Variants in HLTF observed in about 807,000 individuals in gnomAD.
HLTF encodes the protein helicase like transcription factor.
HLTF carries 127 observed loss-of-function variants against 129.4 expected under a neutral mutation model. The ratio of observed to expected loss-of-function variants is 0.98; its 90% CI spans 0.85 to 1.14. The LOEUF (loss-of-function observed/expected upper bound fraction) is 1.14, where lower values mean the gene tolerates loss of function less well. Among genes scored for constraint, HLTF ranks in the 50% most tolerant of loss-of-function variants. The probability of loss-of-function intolerance (pLI) is 0.00; values close to 1 mark genes in which losing one functional copy is unlikely to be tolerated. For missense variants in HLTF, 1,139 were observed against 1,187.1 expected, an observed-to-expected ratio of 0.96 and a Z score of 0.60; for synonymous variants, 332 against 388.8, an observed-to-expected ratio of 0.85 and a Z score of 1.72.
chr3:149,062,604 C>T (rs1435600225), intron 10 of HLTF, among the ~76,000 whole-genome samples: 1 of 152,206 alleles, frequency 6.6e-6, no homozygotes, highest in African/African-American at 2.4e-5. Flanking sequence ...AGATTCAAGA[C>T]AAGATCAGAG....
intron 12 of HLTF, 104 bp from the exon 13 acceptor site, chr3:149,059,911 A>G: frequency 1.4e-6 from 1 of 707,018 alleles, no homozygotes; most frequent in Non-Finnish European, 2.4e-6. Flanking sequence ...TTCACCCTCT[A>G]TTGTAAGAGC....
chr3:149,064,695 A>G lies in HLTF; in HGVS notation c.1066+96T>C. 3 of 799,016 alleles carry G rather than the reference A, an allele frequency of 3.8e-6. No homozygotes were observed. In the Admixed American group the frequency reaches 6.1e-5, roughly 16 times the overall value. The allele number at this position is 799,016 out of a possible 1,614,324, so 49.5% of individuals were successfully genotyped here. A position where few individuals can be genotyped will look rare whatever the true frequency, so the allele number is the denominator to read the frequency against. ...AGTACAAAGCCAAAACTAGAATTAC[A>G]ATATTAGGCTGAAAAAACGCAAATC... On this transcript the variant is annotated intron_variant, in intron 9 of 24. Coordinates refer to ENST00000310053, the MANE Select transcript of HLTF (RefSeq NM_003071.4).
chr3:149,048,363 AT>A (rs1381176822), intron 16 of HLTF, among the ~76,000 whole-genome samples, 200 bp from the exon 17 acceptor site: 1 of 152,178 alleles, frequency 6.6e-6, no homozygotes, highest in Non-Finnish European at 1.5e-5. Context: ...TTTTGCTCTA[AT>A]TTTTAGCTCT....
At chr3:149,073,368 G>A in intron 4 of HLTF, 46 bp from the exon 5 acceptor site, 2 of 1,355,732 alleles carry the variant, frequency 1.5e-6, no homozygotes, top group Non-Finnish European at 1.0e-6. Context: ...AATAAAGTAG[G>A]TTTTTATCTT....
At chr3:149,057,837 A>G (rs1473944698) in intron 13 of HLTF, among the ~76,000 whole-genome samples, 1 of 152,210 alleles carries the variant, frequency 6.6e-6, no homozygotes, top group Non-Finnish European at 1.5e-5. Flanking sequence ...CCCCTACTGG[A>G]CAACATGTAC....
In HLTF at chr3:149,086,490, C is replaced by G; in HGVS notation, c.-154G>C. On this transcript the variant is annotated 5_prime_UTR_variant, in exon 1 of 25. Coordinates refer to ENST00000310053, the MANE Select transcript of HLTF (RefSeq NM_003071.4). The stretch of plus-strand genomic sequence containing the variant: ...CGCACGACTGAAAGGTAAGTCGCCG[C>G]GAGTCCAGTCAGACGTCGACGCCGT... 3.9e-6 allele frequency: 3 copies of G among 767,408 alleles called. No individual in the cohort carries two copies. The South Asian group carries it at 5.2e-5, about 13-fold the overall frequency. 47.5% of individuals were successfully genotyped at this position (767,408 alleles called of 1,614,324 possible).
intron 10 of HLTF, among the ~76,000 whole-genome samples, chr3:149,061,909 A>C (rs1391962286): frequency 6.6e-6 from 1 of 152,158 alleles, no homozygotes; most frequent in East Asian, 1.9e-4. Flanking sequence ...AACACAATGA[A>C]ATAAGCAGCC....
chr3:149,061,323 A>G (rs1717927644), intron 10 of HLTF, among the ~76,000 whole-genome samples: 2 of 152,014 alleles, frequency 1.3e-5, no homozygotes, highest in South Asian at 4.1e-4. Context: ...AGGCAGGAGA[A>G]TGACGTGAAG....
Position 149,076,046 on chromosome 3 carries a change from A to G in HLTF, c.230T>C (p.Val77Ala). ...VVGLRYYTGV[V>A]NNNEMVALQR... ...TAATGCAACCATTTCATTATTATTA[A>G]CCTAATAAAAATGATAAACAGATAA... The change falls in exon 3 of 25, where the codon GTT becomes GCT. Residue 77 changes from valine to alanine, a missense_variant and splice_region_variant. Coordinates refer to ENST00000310053, the MANE Select transcript of HLTF (RefSeq NM_003071.4). The G allele has an allele frequency of 2.5e-6, 3 of 1,198,144 alleles. No homozygotes were observed. The highest frequency in any genetic ancestry group is 2.4e-6 in the Non-Finnish European group (2 of 832,508). 74.2% of individuals were successfully genotyped at this position (1,198,144 alleles called of 1,614,324 possible).
intron 24 of HLTF, among the ~76,000 whole-genome samples, chr3:149,032,994 G>A (rs1237975677): frequency 3.4e-5 from 5 of 145,230 alleles, no homozygotes; most frequent in African/African-American, 1.3e-4. Flanking sequence ...ACTATTCCCA[G>A]AAATTCAAGA....
chr3:149,073,298 C>A lies in HLTF; in HGVS notation c.554G>T (p.Gly185Val), dbSNP rs754636847. Residue 185 changes from glycine (G) to valine (V), a missense_variant, in exon 5 of 25, where the codon GGT becomes GTT. By Grantham distance (109) the Gly-to-Val change is moderately radical. Coordinates refer to ENST00000310053, the MANE Select transcript of HLTF (RefSeq NM_003071.4). ...TGGTCCAGCTCTTCCAGAGCCCCAA[C>A]CACTTTCCAAATTGAATCCTAAAGC... Reference protein sequence around the residue: ...PKTLGFNLESGWGSGRAGPSY... With the variant: ...PKTLGFNLESVWGSGRAGPSY... 9 of 1,611,932 alleles carry A rather than the reference C, an allele frequency of 5.6e-6. No homozygotes were observed. The Admixed American group carries it at 6.7e-5, about 12-fold the overall frequency.
chr3:149,051,055 A>G (rs374883330), intron 14 of HLTF, among the ~76,000 whole-genome samples: 18 of 152,290 alleles, frequency 1.2e-4, no homozygotes, highest in African/African-American at 4.1e-4. Context: ...GAAGTCCTAA[A>G]CCAGCAAGGT....
intron 2 of HLTF, among the ~76,000 whole-genome samples, chr3:149,078,747 C>T (rs1719613920): frequency 6.6e-6 from 1 of 151,244 alleles, no homozygotes; most frequent in Admixed American, 6.6e-5. Flanking sequence ...GTCCCAGTTA[C>T]TCGGGAAGCT....
Position 149,057,700 on chromosome 3 carries a change from G to A in HLTF, c.1375+2018C>T, listed in dbSNP as rs190793406. On this transcript the variant is annotated intron_variant, in intron 13 of 24. Transcript: ENST00000310053. ...TATTTTAGAACTGAAACTGTAGAAC[G>A]TGAAACTGCAGATAAAGAACAACTG... Among the ~76,000 whole-genome samples the A allele has an allele frequency of 4.3e-3, 655 of 152,242 alleles. 8 individuals are homozygous for A. The highest frequency in any genetic ancestry group is 6.0e-3 in the South Asian group (29 of 4,822).
At chr3:149,057,685 C>T (rs1717594086) in intron 13 of HLTF, among the ~76,000 whole-genome samples, 1 of 152,090 alleles carries the variant, frequency 6.6e-6, no homozygotes, top group South Asian at 2.1e-4. Flanking sequence ...TATTTTAGAA[C>T]TGAAACTGTA....
chr3:149,034,061 T>C (rs1045868169), intron 24 of HLTF, among the ~76,000 whole-genome samples: 1 of 152,108 alleles, frequency 6.6e-6, no homozygotes, highest in African/African-American at 2.4e-5. Context: ...ATATAAATAA[T>C]TCACAGAAAA....
At chr3:149,057,988 G>A (rs142473057) in intron 13 of HLTF, among the ~76,000 whole-genome samples, 6 of 152,186 alleles carry the variant, frequency 3.9e-5, no homozygotes, top group South Asian at 4.2e-4. Flanking sequence ...GGTAATTGGC[G>A]CTCCCATCAA....
At position 149,050,390 on chromosome 3, in the gene HLTF, G is replaced by A. The variant is rs750490325; in HGVS notation, c.1474-15C>T. 2.0e-6 allele frequency: 3 copies of A among 1,531,114 alleles called. No homozygotes were observed. Among genetic ancestry groups the A allele is most frequent in the South Asian group, 1.2e-5 (1 of 80,590 alleles). The allele number at this position is 1,531,114 out of a possible 1,614,324, so 94.8% of individuals were successfully genotyped here. A position where few individuals can be genotyped will look rare whatever the true frequency, so the allele number is the denominator to read the frequency against. On this transcript the variant is annotated splice_polypyrimidine_tract_variant and intron_variant, in intron 14 of 24. Transcript: ENST00000310053. ...CCAAACTGGTCCTAAAGAAAAATTA[G>A]GAATATTTTTAACAATGAGCAGATT...
At chr3:149,083,747 T>TAA (rs1203448804) in intron 2 of HLTF, 22 of 104,490 alleles carry the variant, frequency 2.1e-4, no homozygotes, top group African/African-American at 6.6e-4. Context: ...TAAAAAAAAA[T>TAA]ACAAAAAAAA....
Sources: gnomAD v4.1 joint callset for allele counts (sites outside exome capture counted in the v4.1 genomes callset) on GRCh38, gnomAD v4.1.1 for gene constraint, MANE v1.5 for transcripts, NCBI Gene and HGNC (gene_info 2026-07-23, HGNC 2026-07-21) for gene names.